BMP5: variants seen among roughly 807,000 people sequenced by gnomAD.
BMP5 encodes bone morphogenetic protein 5.
BMP5 carries 23 observed loss-of-function variants against 46.6 expected under a neutral mutation model. The observed-to-expected ratio is 0.49, with a 90% CI of 0.35 to 0.70. The LOEUF (loss-of-function observed/expected upper bound fraction) is 0.70. BMP5 is among the 30% of genes least tolerant of loss of function. The pLI, the probability that BMP5 is intolerant of heterozygous loss-of-function variation, is 0.00. For synonymous variants in BMP5, 204 were observed against 191.9 expected, an observed-to-expected ratio of 1.06 and a Z score of -0.52; for missense variants, 545 against 565.6, an observed-to-expected ratio of 0.96 and a Z score of 0.37.
At chr6:55,773,944 C>T in intron 4 of BMP5, 105 bp downstream of exon 4, 1 of 1,216,844 alleles carries the variant, frequency 8.2e-7, no homozygotes, top group South Asian at 1.2e-5. Context: ...ATTTAATGTA[C>T]CATCCGAAGG....
At chr6:55,808,486 C>T (rs1054527811) in intron 2 of BMP5, among the ~76,000 whole-genome samples, 1 of 152,184 alleles carries the variant, frequency 6.6e-6, no homozygotes, top group African/African-American at 2.4e-5. Flanking sequence ...TCAACCACAG[C>T]TGTGGTTCTG....
At chr6:55,868,340 C>G (rs962585442) in intron 1 of BMP5, among the ~76,000 whole-genome samples, 1 of 152,128 alleles carries the variant, frequency 6.6e-6, no homozygotes, top group African/African-American at 2.4e-5. Flanking sequence ...AGACAAGGAT[C>G]TTCATTGTCT....
At chr6:55,771,454 A>C (rs150456251) in intron 4 of BMP5, among the ~76,000 whole-genome samples, 11 of 151,966 alleles carry the variant, frequency 7.2e-5, no homozygotes, top group African/African-American at 2.6e-4. Flanking sequence ...TTTCTGCAGG[A>C]AACCTGGAAG....
intron 1 of BMP5, among the ~76,000 whole-genome samples, chr6:55,836,877 G>C (rs550712601): frequency 6.6e-6 from 1 of 152,034 alleles, no homozygotes; most frequent in African/African-American, 2.4e-5. Flanking sequence ...GCTTCTTAAA[G>C]TTAACTACAG....
At chr6:55,838,312 C>T (rs558396175) in intron 1 of BMP5, among the ~76,000 whole-genome samples, 7 of 152,252 alleles carry the variant, frequency 4.6e-5, no homozygotes, top group African/African-American at 1.7e-4. Flanking sequence ...TTGTTATTGC[C>T]TGTCTTTTGG....
rs532708892 is a variant in BMP5, at chr6:55,785,481, G to T, written c.832+8798C>A. Among the ~76,000 whole-genome samples, 5 of 151,890 alleles carry T rather than the reference G, an allele frequency of 3.3e-5. No individual in the cohort carries two copies. In the South Asian group the frequency reaches 1.0e-3, roughly 31 times the overall value. ...ACTAAAGCATACAGGGAAGATTTATGTTCTCCGATGTGCTTTAAGACATTA... is the reference window on the plus strand; with the variant it reads ...ACTAAAGCATACAGGGAAGATTTATTTTCTCCGATGTGCTTTAAGACATTA... On this transcript the variant is annotated intron_variant, in intron 3 of 6. Coordinates refer to ENST00000370830, the MANE Select transcript of BMP5 (RefSeq NM_021073.4).
At chr6:55,846,087 G>C (rs549577089) in intron 1 of BMP5, among the ~76,000 whole-genome samples, 1 of 151,832 alleles carries the variant, frequency 6.6e-6, no homozygotes, top group Non-Finnish European at 1.5e-5. Context: ...GCCCCACACA[G>C]TCTTTGAATG....
chr6:55,760,631 T>C lies in BMP5; in HGVS notation c.1028-98A>G. The C allele has an allele frequency of 5.7e-6, 6 of 1,059,106 alleles. No individual in the cohort carries two copies. The South Asian group carries it at 6.9e-5, about 12-fold the overall frequency. 65.6% of individuals were successfully genotyped at this position (1,059,106 alleles called of 1,614,324 possible). A position where few individuals can be genotyped will look rare whatever the true frequency, so the allele number is the denominator to read the frequency against. ...GGTAAGATTTTTTAAAGGGGTTTTA[T>C]TTGAAGTTGTGGAAAAATGAGTTTC... On this transcript the variant is annotated intron_variant, in intron 4 of 6. Transcript: ENST00000370830.
chr6:55,824,042 C>T (rs1016173522), intron 1 of BMP5, among the ~76,000 whole-genome samples: 9 of 151,786 alleles, frequency 5.9e-5, no homozygotes, highest in Non-Finnish European at 1.0e-4. Context: ...CATACCCAAC[C>T]TTTTATTTAC....
chr6:55,805,264 G>A (rs1159819955), intron 2 of BMP5, among the ~76,000 whole-genome samples: 1 of 152,026 alleles, frequency 6.6e-6, no homozygotes, highest in Non-Finnish European at 1.5e-5. Flanking sequence ...TTTAGGTTCC[G>A]GGATACTAGT....
intron 2 of BMP5, among the ~76,000 whole-genome samples, chr6:55,811,047 G>A (rs1013905819): frequency 6.6e-6 from 1 of 152,184 alleles, no homozygotes; most frequent in Non-Finnish European, 1.5e-5. Flanking sequence ...CTATGCTTGT[G>A]TACCGTTCTA....
intron 4 of BMP5, among the ~76,000 whole-genome samples, chr6:55,767,658 A>C (rs886141509): frequency 6.6e-6 from 1 of 151,986 alleles, no homozygotes; most frequent in Admixed American, 6.6e-5. Context: ...AGAATTTTTC[A>C]TGATTCAGGG....
At chr6:55,802,333 G>C (rs563496246) in intron 2 of BMP5, among the ~76,000 whole-genome samples, 1 of 152,264 alleles carries the variant, frequency 6.6e-6, no homozygotes, top group East Asian at 1.9e-4. Flanking sequence ...TATACCATGT[G>C]AATCAATGAT....
intron 1 of BMP5, among the ~76,000 whole-genome samples, chr6:55,850,427 G>A (rs1777210799): frequency 6.6e-6 from 1 of 151,902 alleles, no homozygotes; most frequent in Non-Finnish European, 1.5e-5. Flanking sequence ...TAGATTAGAG[G>A]TAGATAGATA....
chr6:55,755,438 T>A lies in BMP5; in HGVS notation c.*95A>T. ...AAAGAGTCAAAATGAGCCAGACTAA[T>A]TTTAGGAAATTCCCCGTTTGTCTGA... On this transcript the variant is annotated 3_prime_UTR_variant, in exon 7 of 7. Transcript: ENST00000370830. 8.0e-7 allele frequency: 1 copy of A among 1,243,314 alleles called. No individual in the cohort carries two copies. The highest frequency in any genetic ancestry group is 2.5e-5 in the East Asian group (1 of 39,720). 77.0% of individuals were successfully genotyped at this position (1,243,314 alleles called of 1,614,324 possible).
intron 3 of BMP5, among the ~76,000 whole-genome samples, chr6:55,790,240 T>C (rs1775544330): frequency 6.6e-6 from 1 of 152,194 alleles, no homozygotes; most frequent in African/African-American, 2.4e-5. Flanking sequence ...GAATGTCTTC[T>C]TAAGAGGAAC....
At chr6:55,807,475 T>C (rs13215150) in intron 2 of BMP5, among the ~76,000 whole-genome samples, 1,859 of 152,350 alleles carry the variant, frequency 0.012, 17 homozygotes, top group Non-Finnish European at 0.02. Flanking sequence ...CAGTATTTTA[T>C]TGAGGATTTT....
intron 1 of BMP5, among the ~76,000 whole-genome samples, chr6:55,846,989 A>G (rs1468000266): frequency 1.3e-5 from 2 of 151,588 alleles, no homozygotes; most frequent in African/African-American, 4.8e-5. Context: ...TTGCTCTAAA[A>G]TTTCAAAAAA....
chr6:55,867,773 A>G (rs1338337410), intron 1 of BMP5, among the ~76,000 whole-genome samples: 1 of 152,154 alleles, frequency 6.6e-6, no homozygotes, highest in East Asian at 1.9e-4. Context: ...TTATCTCAAC[A>G]TTCATCGAGG....
Sources: gnomAD v4.1 joint callset for allele counts (sites outside exome capture counted in the v4.1 genomes callset) on GRCh38, gnomAD v4.1.1 for gene constraint, MANE v1.5 for transcripts, NCBI Gene and HGNC (gene_info 2026-07-23, HGNC 2026-07-21) for gene names.